Variants in ZNF550 observed in about 807,000 individuals in gnomAD.
ZNF550 encodes zinc finger protein 550.
ZNF550 carries 42 observed loss-of-function variants against 40.2 expected under a neutral mutation model. The observed-to-expected ratio is 1.05, with a 90% CI of 0.82 to 1.35. The LOEUF (loss-of-function observed/expected upper bound fraction) is 1.35, where lower values mean the gene tolerates loss of function less well. Ranked by LOEUF, ZNF550 falls within the 40% of genes most tolerant of loss-of-function variation. ZNF550 has a pLI of 0.00. For missense variants in ZNF550, 549 were observed against 525.2 expected (o/e 1.05, Z -0.44); for synonymous variants, 223 against 198.6 (o/e 1.12, Z -1.03).
exon 1 of ZNF550, chr19:57,559,743 G>T: frequency 7.1e-7 from 1 of 1,405,024 alleles, no homozygotes; most frequent in Non-Finnish European, 9.4e-7. Context: ...ACCCTACCCC[G>T]GGTCCTACAA....
At chr19:57,559,837 G>T (rs893173527) in exon 1 of ZNF550, 2 of 591,932 alleles carry the variant, frequency 3.4e-6, no homozygotes, top group Non-Finnish European at 2.5e-6. Flanking sequence ...CACCACAAAC[G>T]TCCACGCCAG....
intron 1 of ZNF550, among the ~76,000 whole-genome samples, chr19:57,558,581 T>A (rs923267104): frequency 6.6e-6 from 1 of 152,098 alleles, no homozygotes; most frequent in Non-Finnish European, 1.5e-5. Flanking sequence ...ACTAAATAAA[T>A]GAGTAAGGCA....
chr19:57,552,787 GC>G (rs2090085056), intron 2 of ZNF550, 65 bp from the exon 3 acceptor site: 1 of 1,242,416 alleles, frequency 8.0e-7, no homozygotes, highest in African/African-American at 1.5e-5. Context: ...TCTCCATCTT[GC>G]CTAGGACTTC....
chr19:57,551,556 T>C (rs1000344498), intron 3 of ZNF550, among the ~76,000 whole-genome samples: 3 of 152,170 alleles, frequency 2.0e-5, no homozygotes, highest in African/African-American at 7.2e-5. Flanking sequence ...CCAGGAGCTA[T>C]GTGGTGTGTT....
At chr19:57,544,039 A>G (rs2089986135) in intron 4 of ZNF550, 1 of 985,458 alleles carries the variant, frequency 1.0e-6, no homozygotes, top group Non-Finnish European at 1.2e-6. Flanking sequence ...TACTGACTTA[A>G]AAACGGGTGC....
intron 1 of ZNF550, 68 bp from the exon 2 acceptor site, chr19:57,556,425 A>C (rs571880606): frequency 6.5e-7 from 1 of 1,549,636 alleles, no homozygotes; most frequent in East Asian, 2.3e-5. Context: ...CCTGTCACTC[A>C]GTCTCTAGTC....
In ZNF550 at chr19:57,552,608, C is replaced by G. The variant is rs752789713; in HGVS notation, c.250+19G>C. On this transcript the variant is annotated intron_variant, in intron 3 of 4. Transcript: ENST00000457177. ...TGAAGACTGCCATGACTCCACATGA[C>G]CAGCTGGTGGCTGCTTACCTGCACA... The G allele has an allele frequency of 3.2e-5, 51 of 1,580,106 alleles. No homozygotes were observed. Among genetic ancestry groups the G allele is most frequent in the Non-Finnish European group, 4.3e-5 (50 of 1,165,814 alleles).
chr19:57,560,584 A>G (rs541396113), upstream of ZNF550, among the ~76,000 whole-genome samples: 4 of 152,340 alleles, frequency 2.6e-5, no homozygotes, highest in African/African-American at 9.6e-5. Flanking sequence ...AGAGCGGGTC[A>G]TGCACAATGG....
intron 1 of ZNF550, among the ~76,000 whole-genome samples, chr19:57,559,268 G>A (rs1330366009): frequency 3.3e-5 from 5 of 152,158 alleles, no homozygotes; most frequent in African/African-American, 9.7e-5. Context: ...CAACCCCGGG[G>A]GGGGGAAGAG....
At chr19:57,543,062 TATTA>T (rs1327685886) in exon 5 of ZNF550, 2 of 193,846 alleles carry the variant, frequency 1.0e-5, no homozygotes, top group Admixed American at 1.3e-4. Context: ...TTAAAGAAAC[TATTA>T]ATTCCCTACA....
At chr19:57,545,228 C>G (rs1035371787) in intron 4 of ZNF550, among the ~76,000 whole-genome samples, 3 of 152,218 alleles carry the variant, frequency 2.0e-5, no homozygotes, top group African/African-American at 7.2e-5. Flanking sequence ...TATCCTGATT[C>G]ACCTGTTAAA....
At chr19:57,561,168 G>A (rs989264497), upstream of ZNF550, among the ~76,000 whole-genome samples, 1 of 151,988 alleles carries the variant, frequency 6.6e-6, no homozygotes, top group African/African-American at 2.4e-5. The surrounding 1 kb of genome is among the most constrained non-coding windows in gnomAD (Gnocchi z 4.9). Flanking sequence ...TTTGTTGTTC[G>A]AATTTTTCCA....
rs79747118 is a variant in ZNF550 at position 57,548,773 on chromosome 19, C to T, written c.251-780G>A. Among the ~76,000 whole-genome samples the T allele has an allele frequency of 2.3e-3, 343 of 152,280 alleles. 2 individuals carry two copies. Among genetic ancestry groups the T allele is most frequent in the African/African-American group, 7.5e-3 (313 of 41,556 alleles). ...CATCAGTACATCAAAGAGATATCTGCACTACCATGTTTACTGCAGTACTAG... is the reference window on the plus strand; with the variant it reads ...CATCAGTACATCAAAGAGATATCTGTACTACCATGTTTACTGCAGTACTAG... On this transcript the variant is annotated intron_variant, in intron 3 of 4. Coordinates refer to ENST00000457177, the Ensembl canonical transcript of ZNF550.
chr19:57,548,959 C>T (rs2090048855), intron 3 of ZNF550, among the ~76,000 whole-genome samples: 1 of 152,012 alleles, frequency 6.6e-6, no homozygotes, highest in Non-Finnish European at 1.5e-5. Flanking sequence ...AACAACTGAA[C>T]TCATGGAGAG....
intron 3 of ZNF550, among the ~76,000 whole-genome samples, chr19:57,552,066 CA>C (rs2090077155): frequency 6.6e-6 from 1 of 152,190 alleles, no homozygotes; most frequent in Non-Finnish European, 1.5e-5. Flanking sequence ...ACTGTTCATG[CA>C]TAATACTAAC....
At chr19:57,559,830 C>A in exon 1 of ZNF550, 1 of 613,508 alleles carries the variant, frequency 1.6e-6, no homozygotes, top group Non-Finnish European at 2.4e-6. Context: ...CACGCCCCAC[C>A]ACAAACGTCC....
At chr19:57,547,639 G>C in exon 4 of ZNF550, 1 of 1,614,170 alleles carries the variant, frequency 6.2e-7, no homozygotes, top group Non-Finnish European at 8.5e-7. Context: ...GCATTTGTAG[G>C]GGTTTGTCCC....
At chr19:57,559,264 C>T (rs993134246) in intron 1 of ZNF550, among the ~76,000 whole-genome samples, 2 of 152,054 alleles carry the variant, frequency 1.3e-5, no homozygotes, top group Non-Finnish European at 2.9e-5. Flanking sequence ...TCCTCAACCC[C>T]GGGGGGGGGA....
At chr19:57,555,472 G>A (rs2090111543) in intron 2 of ZNF550, 1 of 152,520 alleles carries the variant, frequency 6.6e-6, no homozygotes, top group African/African-American at 2.4e-5. Context: ...CTGAGTAGCT[G>A]GGATTACAGG....
Sources: allele counts gnomAD v4.1 joint callset (sites outside exome capture counted in the v4.1 genomes callset), GRCh38; gene constraint gnomAD v4.1.1; non-coding constraint Gnocchi (gnomAD v3.1); transcripts MANE v1.5; gene names NCBI Gene and HGNC (gene_info 2026-07-23, HGNC 2026-07-21).